The following DNAJA3 variants were observed in gnomAD, a reference collection of about 807,000 sequenced individuals.
DNAJA3 encodes DnaJ heat shock protein family (Hsp40) member A3, also known as dnaJ homolog subfamily A member 3, mitochondrial.
DNAJA3 carries 29 observed loss-of-function variants against 54.9 expected under a neutral mutation model. The ratio of observed to expected loss-of-function variants is 0.53; its 90% CI spans 0.39 to 0.72. The LOEUF (loss-of-function observed/expected upper bound fraction) is 0.72, where lower values mean the gene tolerates loss of function less well. DNAJA3 is among the 30% of genes least tolerant of loss of function. The pLI is 0.00. For missense variants in DNAJA3, 708 were observed against 639.4 expected, an observed-to-expected ratio of 1.11 and a Z score of -1.16; for synonymous variants, 302 against 251.4, an observed-to-expected ratio of 1.20 and a Z score of -1.90.
intron 1 of DNAJA3, chr16:4,427,474 G>C (rs1021434363): frequency 3.9e-5 from 6 of 152,162 alleles, no homozygotes; most frequent in African/African-American, 1.4e-4. Flanking sequence ...AAAGAAAAGA[G>C]CCTGGGCTTC....
In DNAJA3 at chr16:4,437,488, A is replaced by C; in HGVS notation, c.429+3A>C. 1 of 1,613,272 alleles carries C rather than the reference A, an allele frequency of 6.2e-7. No individual in the cohort carries two copies. Among genetic ancestry groups the C allele is most frequent in the Middle Eastern group, 1.6e-4 (1 of 6,062 alleles). ...CCCAGCTGGCAGAAGCCTATGAGGT[A>C]ATATGACTTCGGTGCATGCGGTCAC... On this transcript the variant is annotated splice_donor_region_variant and intron_variant, in intron 3 of 11. Transcript: ENST00000262375.
intron 5 of DNAJA3, 84 bp from the exon 6 acceptor site, chr16:4,442,933 A>G: frequency 6.7e-7 from 1 of 1,500,044 alleles, no homozygotes; most frequent in Non-Finnish European, 9.1e-7. Flanking sequence ...TTAAAGAGAC[A>G]TTTTTCTTAC....
intron 11 of DNAJA3, 139 bp from the exon 12 acceptor site, chr16:4,455,407 T>C: frequency 5.9e-6 from 6 of 1,015,856 alleles, no homozygotes; most frequent in Non-Finnish European, 8.8e-6. Flanking sequence ...CACTTTGGTT[T>C]ATTATGCTCA....
chr16:4,448,141 C>A (rs1417622352), intron 8 of DNAJA3, among the ~76,000 whole-genome samples: 1 of 150,106 alleles, frequency 6.7e-6, no homozygotes, highest in Non-Finnish European at 1.5e-5. Context: ...CGATTCCCAC[C>A]TCAGCCTCCT....
intron 1 of DNAJA3, among the ~76,000 whole-genome samples, chr16:4,428,496 G>A (rs1443470177): frequency 6.6e-6 from 1 of 152,194 alleles, no homozygotes; most frequent in Non-Finnish European, 1.5e-5. Context: ...TAGGTGACTT[G>A]TTTTATTAAG....
intron 5 of DNAJA3, 96 bp downstream of exon 5, chr16:4,442,516 T>G: frequency 1.5e-6 from 2 of 1,361,086 alleles, no homozygotes; most frequent in Non-Finnish European, 1.9e-6. Flanking sequence ...ATGCTGGGAA[T>G]TGGGGGAGTT....
At chr16:4,436,034 A>T (rs1031373799) in intron 2 of DNAJA3, among the ~76,000 whole-genome samples, 1 of 152,230 alleles carries the variant, frequency 6.6e-6, no homozygotes, top group African/African-American at 2.4e-5. Context: ...AAGAAATGCT[A>T]TCTCGTTAGA....
intron 1 of DNAJA3, chr16:4,433,218 C>T (rs1027719200): frequency 1.3e-5 from 2 of 152,218 alleles, no homozygotes; most frequent in Non-Finnish European, 2.9e-5. Context: ...CAGTTGGTGT[C>T]TTGCTATTAA....
intron 2 of DNAJA3, 25 bp downstream of exon 2, chr16:4,434,542 T>G (rs779974169): frequency 1.4e-4 from 231 of 1,603,950 alleles, no homozygotes; most frequent in Non-Finnish European, 1.9e-4. Context: ...CAGGTTTTGG[T>G]GACCAAATTG....
At chr16:4,434,888 T>TTTG (rs2056754679) in intron 2 of DNAJA3, among the ~76,000 whole-genome samples, 1 of 16,674 alleles carries the variant, frequency 6.0e-5, no homozygotes, top group African/African-American at 1.4e-4. Flanking sequence ...TTTCCTTTCT[T>TTTG]TTTTTTTTTT....
intron 7 of DNAJA3, 140 bp downstream of exon 7, chr16:4,444,868 A>G: frequency 6.9e-6 from 5 of 720,076 alleles, no homozygotes; most frequent in Non-Finnish European, 4.6e-6. Flanking sequence ...GTGGCCACCT[A>G]GATGTGGTTT....
chr16:4,450,313 A>G (rs905157863), intron 9 of DNAJA3, 87 bp from the exon 10 acceptor site: 14 of 1,115,322 alleles, frequency 1.3e-5, no homozygotes, highest in Non-Finnish European at 1.5e-5. Flanking sequence ...CTCTCTTCCC[A>G]TGTGCTGCGA....
intron 9 of DNAJA3, 23 bp downstream of exon 9, chr16:4,448,871 C>T: frequency 6.3e-7 from 1 of 1,578,514 alleles, no homozygotes; most frequent in Non-Finnish European, 8.7e-7. Context: ...TAGGCTGTGG[C>T]CAAGCCCGCC....
At chr16:4,450,806 C>T (rs1432230598) in intron 10 of DNAJA3, among the ~76,000 whole-genome samples, 1 of 152,176 alleles carries the variant, frequency 6.6e-6, no homozygotes, top group Admixed American at 6.6e-5. Context: ...TGCCACTTGC[C>T]CTGTGACCTC....
intron 1 of DNAJA3, among the ~76,000 whole-genome samples, chr16:4,429,454 C>T (rs931135022): frequency 1.3e-5 from 2 of 151,856 alleles, no homozygotes. Context: ...GATCTCTTTA[C>T]CCATGATCTG....
intron 9 of DNAJA3, among the ~76,000 whole-genome samples, 195 bp downstream of exon 9, chr16:4,449,043 C>T (rs997779854): frequency 6.6e-6 from 1 of 152,220 alleles, no homozygotes; most frequent in African/African-American, 2.4e-5. Context: ...GTCCCCCAGG[C>T]TGGAGTGCAG....
At chr16:4,434,230 A>T in intron 1 of DNAJA3, 154 bp from the exon 2 acceptor site, 1 of 777,336 alleles carries the variant, frequency 1.3e-6, no homozygotes, top group Non-Finnish European at 2.0e-6. Flanking sequence ...GGATTATGGG[A>T]ACTAAAATTC....
intron 5 of DNAJA3, 40 bp downstream of exon 5, chr16:4,442,460 C>G: frequency 2.0e-6 from 3 of 1,533,054 alleles, no homozygotes; most frequent in Non-Finnish European, 2.6e-6. Flanking sequence ...ACGGCTTGCA[C>G]CACTGACTGA....
chr16:4,442,895 G>C, intron 5 of DNAJA3, 122 bp from the exon 6 acceptor site: 1 of 1,098,878 alleles, frequency 9.1e-7, no homozygotes, highest in Non-Finnish European at 1.3e-6. Flanking sequence ...CAGTGTGTTT[G>C]AGTGCACATG....
Sources: gnomAD v4.1 joint callset for allele counts (sites outside exome capture counted in the v4.1 genomes callset) on GRCh38, gnomAD v4.1.1 for gene constraint, MANE v1.5 for transcripts, NCBI Gene and HGNC (gene_info 2026-07-23, HGNC 2026-07-21) for gene names.